The following SNAP91 variants were observed in gnomAD, a reference collection of about 807,000 sequenced individuals.
SNAP91 encodes synaptosome associated protein 91.
In SNAP91, 27 loss-of-function variants were observed where a neutral mutation model predicts 100.3. The observed-to-expected ratio is 0.27, with a 90% confidence interval of 0.20 to 0.37. The LOEUF (loss-of-function observed/expected upper bound fraction) is 0.37. Among genes scored for constraint, SNAP91 ranks in the 10% least tolerant of loss-of-function variants. The pLI, the probability that SNAP91 is intolerant of heterozygous loss-of-function variation, is 1.00. For synonymous variants in SNAP91, 404 were observed against 398.6 expected (o/e 1.01, Z -0.16); for missense variants, 986 against 1,123.7 (o/e 0.88, Z 1.75).
chr6:83,686,918 G>A (rs2099068583), intron 2 of SNAP91: 1 of 152,110 alleles, frequency 6.6e-6, no homozygotes, highest in Non-Finnish European at 1.5e-5. Flanking sequence ...GCCTTTTTGT[G>A]TTGATGGGCC....
chr6:83,646,862 C>A (rs1585422138), intron 7 of SNAP91, among the ~76,000 whole-genome samples: 1 of 152,246 alleles, frequency 6.6e-6, no homozygotes, highest in East Asian at 1.9e-4. Flanking sequence ...TGATTTCTTT[C>A]ATAAGAGTTT....
Position 83,692,263 on chromosome 6 carries a change from C to A in SNAP91, c.130+15535G>T, listed in dbSNP as rs138843311. 4.4e-3 allele frequency among the ~76,000 whole-genome samples: 666 copies of A among 152,258 alleles called. 6 individuals carry two copies. The highest frequency in any genetic ancestry group is 0.015 in the African/African-American group (638 of 41,558). On this transcript the variant is annotated intron_variant, in intron 2 of 29. Transcript: ENST00000369694. ...TTAACAAATGTACTCGCCTGTAATGCTAGGACTTTGGGAGGCCAAGGTGGG... is the reference window on the plus strand; with the variant it reads ...TTAACAAATGTACTCGCCTGTAATGATAGGACTTTGGGAGGCCAAGGTGGG...
intron 23 of SNAP91, among the ~76,000 whole-genome samples, chr6:83,580,996 A>G (rs1477550103): frequency 6.6e-6 from 1 of 152,246 alleles, no homozygotes; most frequent in African/African-American, 2.4e-5. Flanking sequence ...TAGGTGATAC[A>G]TGTCATGGGT....
intron 26 of SNAP91, among the ~76,000 whole-genome samples, chr6:83,568,551 A>G (rs1023120163): frequency 2.6e-5 from 4 of 152,000 alleles, no homozygotes; most frequent in Non-Finnish European, 4.4e-5. Context: ...GGAATAAGTA[A>G]CCCAGGAAGC....
At chr6:83,672,884 A>G (rs1489547554) in intron 2 of SNAP91, among the ~76,000 whole-genome samples, 4 of 152,122 alleles carry the variant, frequency 2.6e-5, no homozygotes, top group African/African-American at 7.2e-5. Context: ...AAGTTTAATT[A>G]TATGACTCTG....
chr6:83,656,873 A>G lies in SNAP91; in HGVS notation c.547-8T>C. The G allele has an allele frequency of 3.5e-6, 5 of 1,433,550 alleles. No homozygotes were observed. The highest frequency in any genetic ancestry group is 4.8e-6 in the Non-Finnish European group (5 of 1,039,434). 88.8% of individuals were successfully genotyped at this position (1,433,550 alleles called of 1,614,324 possible). A position where few individuals can be genotyped will look rare whatever the true frequency, so the allele number is the denominator to read the frequency against. The stretch of plus-strand genomic sequence containing the variant: ...TAGTTCATTTGGATGCACCTAGAAA[A>G]ACAGAAAAATTTAATATTAGCGGCA... On this transcript the variant is annotated splice_region_variant and splice_polypyrimidine_tract_variant and intron_variant, in intron 6 of 29. Coordinates refer to ENST00000369694, the MANE Select transcript of SNAP91 (RefSeq NM_001242792.2).
intron 21 of SNAP91, 70 bp from the exon 22 acceptor site, chr6:83,591,364 T>C: frequency 9.8e-7 from 1 of 1,018,900 alleles, no homozygotes; most frequent in Non-Finnish European, 1.6e-6. Flanking sequence ...GTAATTTAAG[T>C]ATTATGTAGA....
intron 2 of SNAP91, among the ~76,000 whole-genome samples, chr6:83,688,032 A>G (rs1023815255): frequency 5.3e-5 from 8 of 152,134 alleles, no homozygotes; most frequent in Admixed American, 4.6e-4. Flanking sequence ...ATATTTTCAA[A>G]CCCATGGAGG....
intron 6 of SNAP91, among the ~76,000 whole-genome samples, chr6:83,658,021 G>A (rs1048324114): frequency 4.0e-5 from 6 of 148,882 alleles, no homozygotes; most frequent in African/African-American, 1.5e-4. Flanking sequence ...CTTGTCAAGT[G>A]ATCTGCCTGC....
At chr6:83,651,401 G>A (rs1385615881) in intron 7 of SNAP91, among the ~76,000 whole-genome samples, 3 of 151,960 alleles carry the variant, frequency 2.0e-5, no homozygotes, top group Admixed American at 6.6e-5. Context: ...TTCCGTATAA[G>A]CACTGCTTTC....
rs1323563862 is a variant in SNAP91, at chr6:83,592,242, G to A, written c.1930+213C>T. On this transcript the variant is annotated intron_variant, in intron 21 of 29. Transcript: ENST00000369694. Reference sequence around the variant, plus strand: ...CACCAAGTGAAAAATTATGTGTTTTGTTAGGTCATGCACTGAAAGTTATGA... The same window carrying A: ...CACCAAGTGAAAAATTATGTGTTTTATTAGGTCATGCACTGAAAGTTATGA... 2.0e-5 allele frequency among the ~76,000 whole-genome samples: 3 copies of A among 152,224 alleles called. No individual in the cohort carries two copies. The South Asian group carries it at 6.2e-4, about 32-fold the overall frequency.
At chr6:83,680,218 C>T (rs1011901391) in intron 2 of SNAP91, among the ~76,000 whole-genome samples, 7 of 152,010 alleles carry the variant, frequency 4.6e-5, no homozygotes, top group East Asian at 3.9e-4. Flanking sequence ...TATTTGTACC[C>T]GAAAATGTTA....
chr6:83,574,780 T>C (rs1815284168), intron 26 of SNAP91, among the ~76,000 whole-genome samples: 1 of 152,216 alleles, frequency 6.6e-6, no homozygotes, highest in East Asian at 1.9e-4. Context: ...TTTTTCATCT[T>C]GCTTATTTAC....
intron 14 of SNAP91, 96 bp from the exon 15 acceptor site, chr6:83,601,695 TA>T: frequency 1.8e-6 from 2 of 1,132,728 alleles, no homozygotes; most frequent in South Asian, 1.3e-5. Context: ...AGGCACTAAC[TA>T]AAAAAACCTT....
chr6:83,686,265 G>T (rs2099059101), intron 2 of SNAP91: 1 of 865,120 alleles, frequency 1.2e-6, no homozygotes, highest in Non-Finnish European at 1.4e-6. Context: ...ACAGGTAATA[G>T]TTGGTTACTC....
chr6:83,675,863 G>A (rs1371301764), intron 2 of SNAP91, among the ~76,000 whole-genome samples: 2 of 34,660 alleles, frequency 5.8e-5, no homozygotes, highest in Non-Finnish European at 1.3e-4. Flanking sequence ...CACACACAGA[G>A]TTATAATTAG....
chr6:83,655,936 C>T (rs932074989), intron 7 of SNAP91, among the ~76,000 whole-genome samples: 1 of 152,152 alleles, frequency 6.6e-6, no homozygotes, highest in Non-Finnish European at 1.5e-5. Context: ...CTCATGTTGG[C>T]ACCACCTGGA....
chr6:83,630,862 A>T, intron 8 of SNAP91, among the ~76,000 whole-genome samples: 1 of 147,908 alleles, frequency 6.8e-6, no homozygotes, highest in Non-Finnish European at 1.5e-5. Context: ...GATCTTGGTT[A>T]TTTCCTTTCT....
At chr6:83,601,500 C>T (rs2095218036) in intron 15 of SNAP91, 62 bp from the exon 16 acceptor site, 9 of 1,610,556 alleles carry the variant, frequency 5.6e-6, no homozygotes, top group East Asian at 2.2e-5. Flanking sequence ...AAAAGATATA[C>T]CAGACTCCAA....
Sources: gnomAD v4.1 joint callset for allele counts (sites outside exome capture counted in the v4.1 genomes callset) on GRCh38, gnomAD v4.1.1 for gene constraint, MANE v1.5 for transcripts, NCBI Gene and HGNC (gene_info 2026-07-23, HGNC 2026-07-21) for gene names.